Variants in PPP6R2 observed in about 807,000 individuals in gnomAD.
The protein encoded by PPP6R2 is serine/threonine-protein phosphatase 6 regulatory subunit 2.
In PPP6R2, 62 loss-of-function variants were observed where a neutral mutation model predicts 100.2. That is an observed-to-expected ratio of 0.62 (90% CI 0.50 to 0.76). The LOEUF (loss-of-function observed/expected upper bound fraction) is 0.76, where lower values mean the gene tolerates loss of function less well. PPP6R2 is among the 30% of genes least tolerant of loss of function. The pLI, the probability that PPP6R2 is intolerant of heterozygous loss-of-function variation, is 0.00. For synonymous variants in PPP6R2, 525 were observed against 514.7 expected (o/e 1.02, Z -0.27); for missense variants, 1,142 against 1,276.3 (o/e 0.89, Z 1.60).
upstream of PPP6R2, among the ~76,000 whole-genome samples, chr22:50,339,002 TATGTG>T (rs2042336884): frequency 4.4e-5 from 5 of 114,032 alleles, no homozygotes; most frequent in African/African-American, 1.8e-4. Flanking sequence ...GTATGTGTGG[TATGTG>T]GTGTGTGGTG....
Position 50,439,745 on chromosome 22 carries a change from C to T in PPP6R2, c.2173C>T (p.Pro725Ser). 1 of 1,612,784 alleles carries T rather than the reference C, an allele frequency of 6.2e-7. No homozygotes were observed. Residue 725 changes from proline (P) to serine (S), a missense_variant, in exon 20 of 24, where the codon CCC becomes TCC. Pro to Ser is a moderately conservative substitution (Grantham distance 74). Transcript: ENST00000612753. ...GTTTGATGAGCCAGCGAACTCAACGCCCACAGCCCCAGGAGTGGTGAGGGA... is the reference window on the plus strand; with the variant it reads ...GTTTGATGAGCCAGCGAACTCAACGTCCACAGCCCCAGGAGTGGTGAGGGA... ...AVFDEPANST[P>S]TAPGVVRDVG...
chr22:50,432,354 G>T (rs1195334179), intron 12 of PPP6R2, 25 bp downstream of exon 12: 2 of 1,543,488 alleles, frequency 1.3e-6, no homozygotes, highest in Admixed American at 2.0e-5. Context: ...GACGTGGAGG[G>T]ACCCAGCCTG....
intron 3 of PPP6R2, among the ~76,000 whole-genome samples, chr22:50,405,884 AGAGAGGTGAGAGG>A (rs2147123638): frequency 7.6e-6 from 1 of 131,920 alleles, no homozygotes; most frequent in African/African-American, 2.9e-5. Flanking sequence ...AGAGGCCTGG[AGAGAGGTGAGAGG>A]CCTGGCAGGC....
At chr22:50,400,394 C>T (rs552037175) in intron 3 of PPP6R2, among the ~76,000 whole-genome samples, 11 of 152,282 alleles carry the variant, frequency 7.2e-5, no homozygotes, top group African/African-American at 2.2e-4. Flanking sequence ...GGCATCGGGC[C>T]TGCGTGTTTG....
chr22:50,421,867 CA>C (rs1317536795), intron 8 of PPP6R2, among the ~76,000 whole-genome samples: 3 of 150,636 alleles, frequency 2.0e-5, no homozygotes, highest in South Asian at 2.1e-4. Flanking sequence ...GACTCTGGCT[CA>C]AAAAAAATAA....
chr22:50,438,879 C>T (rs375547408), intron 19 of PPP6R2, 117 bp downstream of exon 19: 20 of 1,098,586 alleles, frequency 1.8e-5, no homozygotes, highest in East Asian at 2.6e-5. Flanking sequence ...CACTGTGGCC[C>T]GGAGCCTGAA....
chr22:50,397,573 C>T, intron 3 of PPP6R2, among the ~76,000 whole-genome samples: 1 of 142,316 alleles, frequency 7.0e-6, no homozygotes, highest in Non-Finnish European at 1.5e-5. Context: ...CCAGCCCTGT[C>T]ATCTCTGAGT....
At chr22:50,337,914 G>A in the PPP6R2 span, among the ~76,000 whole-genome samples, 1 of 142,516 alleles carries the variant, frequency 7.0e-6, no homozygotes, top group Non-Finnish European at 1.5e-5. Context: ...GTGGTGTAGT[G>A]TGTGTGGTGT....
chr22:50,435,721 C>G (rs1246168972), intron 13 of PPP6R2, among the ~76,000 whole-genome samples: 1 of 152,188 alleles, frequency 6.6e-6, no homozygotes, highest in East Asian at 1.9e-4. Context: ...GAGGTCAGGC[C>G]TGCCGGCTGC....
At chr22:50,357,638 CTT>C (rs1569278431) in intron 1 of PPP6R2, among the ~76,000 whole-genome samples, 1 of 146,172 alleles carries the variant, frequency 6.8e-6, no homozygotes, top group African/African-American at 2.5e-5. Flanking sequence ...TTTTTTTTTT[CTT>C]TTTTTGAGAT....
intron 1 of PPP6R2, among the ~76,000 whole-genome samples, chr22:50,353,851 TTTTAAAAATA>T (rs1318836844): frequency 1.0e-5 from 1 of 100,140 alleles, no homozygotes; most frequent in African/African-American, 3.1e-5. Flanking sequence ...AAAGGCTAAC[TTTTAAAAATA>T]TTTTTAAAAA....
intron 2 of PPP6R2, among the ~76,000 whole-genome samples, chr22:50,377,807 G>C (rs985035880): frequency 6.6e-6 from 1 of 152,156 alleles, no homozygotes; most frequent in Non-Finnish European, 1.5e-5. Context: ...AAGAGTTCCA[G>C]ACCAGCCTGG....
chr22:50,408,718 T>G (rs1268349086), intron 4 of PPP6R2, among the ~76,000 whole-genome samples: 1 of 152,234 alleles, frequency 6.6e-6, no homozygotes, highest in Non-Finnish European at 1.5e-5. Flanking sequence ...CCTGCCACTT[T>G]CGGATATTTT....
chr22:50,338,285 T>TGTGGTGTGTAGTGTGTGGTGTGTG, the PPP6R2 span, among the ~76,000 whole-genome samples: 1 of 108,702 alleles, frequency 9.2e-6, no homozygotes. Flanking sequence ...TGTGGTGTGT[T>TGTGGTGTGTAGTGTGTGGTGTGTG]TGTGGTGTGT....
At chr22:50,389,280 A>T (rs989382434) in intron 2 of PPP6R2, among the ~76,000 whole-genome samples, 1 of 152,206 alleles carries the variant, frequency 6.6e-6, no homozygotes, top group African/African-American at 2.4e-5. Flanking sequence ...TGTTCTGAAG[A>T]TGCTGCCAGT....
In PPP6R2 at chr22:50,444,083, A is replaced by G. The variant is rs768944848; in HGVS notation, c.2797A>G (p.Met933Val). ...CATGGCAGTCACAGCAGCCCCAGCC[A>G]TGGTGGCCACCCTGGGGACAGTGAC... is the stretch of plus-strand genomic sequence containing the variant. The part of the protein sequence containing the change: ...PIMAVTAAPA[M>V]VATLGTVTKD... The change falls in exon 23 of 24, where the codon ATG becomes GTG. Residue 933 changes from methionine (M) to valine (V), a missense_variant. By Grantham distance (21) the Met-to-Val change is conservative. Coordinates refer to ENST00000612753, the MANE Select transcript of PPP6R2 (RefSeq NM_001242898.2). 1 of 1,612,764 alleles carries G rather than the reference A, an allele frequency of 6.2e-7. No homozygotes were observed. The highest frequency in any genetic ancestry group is 8.5e-7 in the Non-Finnish European group (1 of 1,179,310).
chr22:50,396,068 G>T (rs539524690), intron 3 of PPP6R2, among the ~76,000 whole-genome samples: 18 of 151,250 alleles, frequency 1.2e-4, no homozygotes, highest in Admixed American at 4.6e-4. Context: ...AGTGGCGCAC[G>T]CCTGTAATCT....
intron 6 of PPP6R2, 76 bp downstream of exon 6, chr22:50,416,233 G>A: frequency 1.5e-6 from 2 of 1,366,122 alleles, no homozygotes; most frequent in Admixed American, 1.8e-5. Flanking sequence ...TGCGGGCCAG[G>A]GGGCGAGGGA....
chr22:50,441,927 AG>A (rs936945371), intron 22 of PPP6R2, among the ~76,000 whole-genome samples: 2 of 151,984 alleles, frequency 1.3e-5, no homozygotes, highest in African/African-American at 4.8e-5. Flanking sequence ...CGTGGGGAGG[AG>A]GGCGCACCCA....
Sources: gnomAD v4.1 joint callset for allele counts (sites outside exome capture counted in the v4.1 genomes callset) on GRCh38, gnomAD v4.1.1 for gene constraint, MANE v1.5 for transcripts, NCBI Gene and HGNC (gene_info 2026-07-23, HGNC 2026-07-21) for gene names.